Variants in PCDH9 observed in about 807,000 individuals in gnomAD.
PCDH9 encodes protocadherin-9.
Under a neutral mutation model 70.6 loss-of-function variants are expected in PCDH9, and 24 were observed. That is an observed-to-expected ratio of 0.34 (90% CI 0.25 to 0.48). The LOEUF is 0.48. PCDH9 is among the 20% of genes least tolerant of loss of function. PCDH9 has a pLI of 0.99. For synonymous variants in PCDH9, 562 were observed against 558.5 expected (o/e 1.01, Z -0.09); for missense variants, 1,281 against 1,503.6 (o/e 0.85, Z 2.45).
chr13:66,963,773 T>G (rs2083387669), intron 2 of PCDH9, among the ~76,000 whole-genome samples: 1 of 152,160 alleles, frequency 6.6e-6, no homozygotes, highest in South Asian at 2.1e-4. Flanking sequence ...AAAACAAAAT[T>G]TAATAAGTCA....
At chr13:67,184,482 A>G (rs1327315426) in intron 2 of PCDH9, among the ~76,000 whole-genome samples, 4 of 152,082 alleles carry the variant, frequency 2.6e-5, no homozygotes, top group Non-Finnish European at 5.9e-5. Flanking sequence ...TAATCACAGA[A>G]CTCTGGGAGG....
chr13:66,322,330 T>G (rs995256040), intron 4 of PCDH9, among the ~76,000 whole-genome samples: 1 of 151,968 alleles, frequency 6.6e-6, no homozygotes, highest in Non-Finnish European at 1.5e-5. Flanking sequence ...CAGTATTGAT[T>G]GTGAAAATGG....
At chr13:66,860,419 C>T (rs1008220479) in intron 3 of PCDH9, among the ~76,000 whole-genome samples, 36 of 152,164 alleles carry the variant, frequency 2.4e-4, no homozygotes, top group African/African-American at 8.0e-4. Context: ...CACCAGTTTC[C>T]GGTCCCAATT....
At chr13:66,817,075 T>C (rs2139372673) in intron 3 of PCDH9, among the ~76,000 whole-genome samples, 2 of 152,056 alleles carry the variant, frequency 1.3e-5, no homozygotes, top group East Asian at 3.9e-4. Context: ...ACTATTTGCA[T>C]AGCATGTACA....
At chr13:66,433,559 AT>A (rs1485990376) in intron 4 of PCDH9, among the ~76,000 whole-genome samples, 2 of 151,834 alleles carry the variant, frequency 1.3e-5, no homozygotes, top group African/African-American at 4.8e-5. Flanking sequence ...CTTAAGATCC[AT>A]TTCAACATGT....
chr13:66,522,938 A>G (rs1340563135), intron 4 of PCDH9, among the ~76,000 whole-genome samples: 1 of 152,110 alleles, frequency 6.6e-6, no homozygotes, highest in African/African-American at 2.4e-5. Flanking sequence ...ACAATATCTT[A>G]TTCTTATTTG....
At chr13:66,991,360 T>C (rs1483727878) in intron 2 of PCDH9, among the ~76,000 whole-genome samples, 1 of 152,040 alleles carries the variant, frequency 6.6e-6, no homozygotes, top group African/African-American at 2.4e-5. Flanking sequence ...TATGTCAAGA[T>C]GAAGAATGTA....
intron 2 of PCDH9, among the ~76,000 whole-genome samples, chr13:67,118,900 A>G (rs2138293875): frequency 6.6e-6 from 1 of 152,284 alleles, no homozygotes; most frequent in East Asian, 1.9e-4. Context: ...TAACTCATTT[A>G]AATTAGTTTA....
intron 3 of PCDH9, among the ~76,000 whole-genome samples, chr13:66,647,806 G>A (rs956619517): frequency 2.0e-5 from 3 of 152,148 alleles, no homozygotes; most frequent in African/African-American, 7.2e-5. Flanking sequence ...TACCTGCCCT[G>A]GGCTAGAGGG....
At chr13:66,795,526 T>C (rs2080227841) in intron 3 of PCDH9, among the ~76,000 whole-genome samples, 2 of 152,146 alleles carry the variant, frequency 1.3e-5, no homozygotes, top group Admixed American at 1.3e-4. Context: ...TCCCATTCTT[T>C]TATTAATTTA....
intron 2 of PCDH9, among the ~76,000 whole-genome samples, chr13:66,980,730 G>GTTTTTTTTTCTTTTTTTTTTTTTTTTTT (rs2083730842): frequency 1.4e-5 from 1 of 70,872 alleles, no homozygotes; most frequent in Non-Finnish European, 2.7e-5. Flanking sequence ...TTTTTTCTTT[G>GTTTTTTTTTCTTTTTTTTTTTTTTTTTT]TTTTTTTTTT....
chr13:66,312,216 C>T (rs1287459635), intron 4 of PCDH9, among the ~76,000 whole-genome samples: 1 of 152,116 alleles, frequency 6.6e-6, no homozygotes, highest in Non-Finnish European at 1.5e-5. Flanking sequence ...TGCATGCCCT[C>T]TATACATTCT....
intron 2 of PCDH9, among the ~76,000 whole-genome samples, chr13:67,171,744 T>C (rs1594608992): frequency 6.6e-6 from 1 of 152,312 alleles, no homozygotes; most frequent in South Asian, 2.1e-4. Flanking sequence ...TTTGAGGCGA[T>C]TGAACCTGAG....
chr13:67,032,855 G>A (rs1281076087), intron 2 of PCDH9, among the ~76,000 whole-genome samples: 1 of 152,158 alleles, frequency 6.6e-6, no homozygotes, highest in Non-Finnish European at 1.5e-5. Context: ...GCTGTGTTTT[G>A]AAGCATTCAG....
intron 2 of PCDH9, among the ~76,000 whole-genome samples, chr13:67,013,388 A>G (rs1352620580): frequency 6.6e-6 from 1 of 151,816 alleles, no homozygotes; most frequent in East Asian, 1.9e-4. Context: ...TTTATCCTAT[A>G]TCATTGAATG....
intron 3 of PCDH9, among the ~76,000 whole-genome samples, chr13:66,744,052 G>T (rs899634666): frequency 6.6e-6 from 1 of 152,122 alleles, no homozygotes. Context: ...GTCCAACAAG[G>T]TTACTTGTAT....
intron 2 of PCDH9, among the ~76,000 whole-genome samples, chr13:67,159,510 C>A (rs907674779): frequency 6.6e-6 from 1 of 152,104 alleles, no homozygotes; most frequent in African/African-American, 2.4e-5. Flanking sequence ...AGAGTGAGTT[C>A]TTGGACATCG....
At chr13:66,463,771 T>A (rs1282706679) in intron 4 of PCDH9, among the ~76,000 whole-genome samples, 3 of 151,710 alleles carry the variant, frequency 2.0e-5, no homozygotes, top group African/African-American at 7.3e-5. Flanking sequence ...CACAGAAATA[T>A]CATATATACA....
At chr13:66,593,688 C>CA (rs1345381889) in intron 4 of PCDH9, among the ~76,000 whole-genome samples, 6 of 151,746 alleles carry the variant, frequency 4.0e-5, no homozygotes, top group Non-Finnish European at 7.4e-5. Context: ...CTGTGGAAAA[C>CA]ATTCTTTTTG....
Sources: gnomAD v4.1 joint callset for allele counts (sites outside exome capture counted in the v4.1 genomes callset) on GRCh38, gnomAD v4.1.1 for gene constraint, MANE v1.5 for transcripts, NCBI Gene and HGNC (gene_info 2026-07-23, HGNC 2026-07-21) for gene names.